SLC25A30: variants seen among roughly 807,000 people sequenced by gnomAD.
SLC25A30 encodes solute carrier family 25 member 30, also known as kidney mitochondrial carrier protein 1.
In SLC25A30, 29 loss-of-function variants were observed where a neutral mutation model predicts 42.7. The ratio of observed to expected loss-of-function variants is 0.68; its 90% CI spans 0.51 to 0.93. The LOEUF is 0.93. Among genes scored for constraint, SLC25A30 ranks in the 40% least tolerant of loss-of-function variants. The probability of loss-of-function intolerance (pLI) is 0.00; values close to 1 mark genes in which losing one functional copy is unlikely to be tolerated. For synonymous variants in SLC25A30, 124 were observed against 131.0 expected, an observed-to-expected ratio of 0.95 and a Z score of 0.37; for missense variants, 300 against 359.7, an observed-to-expected ratio of 0.83 and a Z score of 1.34.
At chr13:45,425,126 A>G in the SLC25A30 span, among the ~76,000 whole-genome samples, 7 of 88,080 alleles carry the variant, frequency 7.9e-5, no homozygotes, top group Non-Finnish European at 1.2e-4. Flanking sequence ...TTATAAATAT[A>G]TAAGTATATA....
the SLC25A30 span, among the ~76,000 whole-genome samples, chr13:45,430,323 GT>G: frequency 6.6e-6 from 1 of 151,992 alleles, no homozygotes; most frequent in Non-Finnish European, 1.5e-5. Context: ...TAAAGAGGAT[GT>G]CTCTATAGAG....
chr13:45,395,472 C>G lies in SLC25A30; in HGVS notation c.*502G>C. On this transcript the variant is annotated 3_prime_UTR_variant, in exon 10 of 10. Transcript: ENST00000519676. Reference sequence around the variant, plus strand: ...GATCCATTTCCTGCACCGTTTATACCTGGGGTTGAACAGTCCAGGTCTCCA... The same window carrying G: ...GATCCATTTCCTGCACCGTTTATACGTGGGGTTGAACAGTCCAGGTCTCCA... 1 of 993,030 alleles carries G rather than the reference C, an allele frequency of 1.0e-6. No homozygotes were observed. Among genetic ancestry groups the G allele is most frequent in the Non-Finnish European group, 1.2e-6 (1 of 834,046 alleles). The allele number at this position is 993,030 out of a possible 1,614,324, so 61.5% of individuals were successfully genotyped here.
intron 4 of SLC25A30, 35 bp downstream of exon 4, chr13:45,405,848 T>A (rs1882448217): frequency 6.3e-7 from 1 of 1,597,954 alleles, no homozygotes. Flanking sequence ...ACAACCAACC[T>A]CCTGTCCACA....
chr13:45,414,191 C>T (rs181168435), intron 1 of SLC25A30, among the ~76,000 whole-genome samples: 9 of 152,258 alleles, frequency 5.9e-5, no homozygotes, highest in African/African-American at 2.2e-4. Flanking sequence ...CTTTCTCTTC[C>T]TTTCCAAAAG....
intron 7 of SLC25A30, among the ~76,000 whole-genome samples, chr13:45,400,233 G>A (rs1389741484): frequency 6.6e-6 from 1 of 151,790 alleles, no homozygotes; most frequent in Non-Finnish European, 1.5e-5. Flanking sequence ...ACCAGCCTGG[G>A]TGACATGGCA....
rs948107545 is a variant in SLC25A30 at position 45,397,900 on chromosome 13, A to C, written c.754-562T>G. ...AACACTGTTGAGTGAGGAAAAAATT[A>C]GATTTAATTCCAATTACGGTCTGTT... is the stretch of plus-strand genomic sequence containing the variant. On this transcript the variant is annotated intron_variant, in intron 8 of 9. Coordinates refer to ENST00000519676, the MANE Select transcript of SLC25A30 (RefSeq NM_001010875.4). 11 of 985,514 alleles carry C rather than the reference A, an allele frequency of 1.1e-5. No homozygotes were observed. In the African/African-American group the frequency reaches 1.7e-4, roughly 16 times the overall value. The allele number at this position is 985,514 out of a possible 1,614,324, so 61.0% of individuals were successfully genotyped here.
the SLC25A30 span, among the ~76,000 whole-genome samples, chr13:45,423,590 AAT>A: frequency 0.3 from 14,954 of 49,634 alleles, 4,204 homozygotes; most frequent in Non-Finnish European, 0.43. Context: ...AATATATATA[AAT>A]ATATATATAT....
chr13:45,424,703 A>G, the SLC25A30 span, among the ~76,000 whole-genome samples: 1 of 73,928 alleles, frequency 1.4e-5, no homozygotes, highest in African/African-American at 5.1e-5. Flanking sequence ...ATAAAGATAT[A>G]TAAATACATA....
the SLC25A30 span, among the ~76,000 whole-genome samples, chr13:45,428,218 T>C: frequency 6.6e-6 from 1 of 151,734 alleles, no homozygotes; most frequent in Non-Finnish European, 1.5e-5. Context: ...TTTTTTTATT[T>C]TTATTTTTTT....
At chr13:45,423,997 A>G in the SLC25A30 span, among the ~76,000 whole-genome samples, 17 of 64,254 alleles carry the variant, frequency 2.6e-4, 1 homozygote, top group African/African-American at 9.3e-4. Context: ...ATATAAATAT[A>G]TATAAAAATA....
chr13:45,397,890 G>A, intron 8 of SLC25A30: 1 of 985,520 alleles, frequency 1.0e-6, no homozygotes, highest in Non-Finnish European at 1.2e-6. Context: ...TGTTGAGTGA[G>A]GAAAAAATTA....
intron 2 of SLC25A30, among the ~76,000 whole-genome samples, chr13:45,409,480 A>G (rs962419533): frequency 6.9e-6 from 1 of 143,922 alleles, no homozygotes; most frequent in Non-Finnish European, 1.6e-5. Flanking sequence ...TCATTTTCTA[A>G]AGTGGTTTTC....
chr13:45,424,270 AAT>A, the SLC25A30 span, among the ~76,000 whole-genome samples: 236 of 296 alleles, frequency 0.8, 114 homozygotes, highest in Admixed American at 1. Flanking sequence ...AATATATATA[AAT>A]ATATAAATAT....
chr13:45,416,214 C>T (rs1883518302), intron 1 of SLC25A30, among the ~76,000 whole-genome samples: 1 of 151,766 alleles, frequency 6.6e-6, no homozygotes, highest in South Asian at 2.1e-4. Flanking sequence ...TCGAGACCAG[C>T]CTGGCCAACA....
chr13:45,431,038 C>A, the SLC25A30 span, among the ~76,000 whole-genome samples: 1 of 151,766 alleles, frequency 6.6e-6, no homozygotes, highest in African/African-American at 2.4e-5. Context: ...TTGCACGCTT[C>A]TTTTGTTTTT....
chr13:45,401,008 T>C (rs1299276575), intron 7 of SLC25A30, 75 bp downstream of exon 7: 25 of 1,329,232 alleles, frequency 1.9e-5, no homozygotes, highest in Non-Finnish European at 2.3e-5. Flanking sequence ...ACTTTTCAAA[T>C]ATAAGAATAT....
chr13:45,400,033 TACACACAC>T (rs71184413), intron 7 of SLC25A30, among the ~76,000 whole-genome samples: 69 of 122,934 alleles, frequency 5.6e-4, no homozygotes, highest in African/African-American at 1.6e-3. Context: ...TATATATATA[TACACACAC>T]ACACACACAC....
chr13:45,421,672 C>T (rs1475416255), upstream of SLC25A30, among the ~76,000 whole-genome samples: 4 of 152,152 alleles, frequency 2.6e-5, no homozygotes, highest in African/African-American at 4.8e-5. Flanking sequence ...AAACAATACC[C>T]TCCCTACAGA....
rs1291423553 is a variant in SLC25A30 at position 45,404,318 on chromosome 13, A to G, written c.393+9T>C. 6.3e-7 allele frequency: 1 copy of G among 1,596,128 alleles called. No individual in the cohort carries two copies. The highest frequency in any genetic ancestry group is 1.3e-5 in the African/African-American group (1 of 74,538). Reference sequence around the variant, plus strand: ...AATGTGCCTATAAGATATAGATAGCACAGCTTACTTTCAAAACATCAGTTG... The same window carrying G: ...AATGTGCCTATAAGATATAGATAGCGCAGCTTACTTTCAAAACATCAGTTG... On this transcript the variant is annotated intron_variant, in intron 5 of 9. Transcript: ENST00000519676.
Sources: gnomAD v4.1 joint callset for allele counts (sites outside exome capture counted in the v4.1 genomes callset) on GRCh38, gnomAD v4.1.1 for gene constraint, MANE v1.5 for transcripts, NCBI Gene and HGNC (gene_info 2026-07-23, HGNC 2026-07-21) for gene names.